SLC39A12: variants seen among roughly 807,000 people sequenced by gnomAD.
The protein encoded by SLC39A12 is solute carrier family 39 member 12, also known as zinc transporter ZIP12.
Under a neutral mutation model 71.1 loss-of-function variants are expected in SLC39A12, and 63 were observed. That is an observed-to-expected ratio of 0.89 (90% confidence interval 0.72 to 1.09). SLC39A12 has a LOEUF of 1.09. Among genes scored for constraint, SLC39A12 ranks in the 50% least tolerant of loss-of-function variants. The pLI, the probability that SLC39A12 is intolerant of heterozygous loss-of-function variation, is 0.00. For missense variants in SLC39A12, 892 were observed against 812.6 expected (o/e 1.10, Z -1.19); for synonymous variants, 351 against 301.3 (o/e 1.16, Z -1.71).
chr10:18,022,079 C>G (rs562672821), intron 12 of SLC39A12, among the ~76,000 whole-genome samples: 10 of 152,258 alleles, frequency 6.6e-5, no homozygotes, highest in Admixed American at 5.9e-4. Flanking sequence ...CTTGAAGAAT[C>G]TGATGACTAT....
intron 12 of SLC39A12, among the ~76,000 whole-genome samples, chr10:18,036,788 A>ATTTTTTTTTTTTT (rs1319675306): frequency 8.8e-4 from 15 of 17,008 alleles, no homozygotes; most frequent in African/African-American, 1.8e-3. Flanking sequence ...ATATATATAT[A>ATTTTTTTTTTTTT]TATATATTTT....
chr10:17,966,007 G>A (rs910780729), intron 4 of SLC39A12, among the ~76,000 whole-genome samples: 1 of 152,206 alleles, frequency 6.6e-6, no homozygotes, highest in Admixed American at 6.5e-5. Context: ...ATAATGCTGG[G>A]CCAGGCCTAA....
intron 12 of SLC39A12, among the ~76,000 whole-genome samples, chr10:18,007,885 C>A (rs1836075980): frequency 6.6e-6 from 1 of 152,186 alleles, no homozygotes; most frequent in Non-Finnish European, 1.5e-5. Flanking sequence ...CCTCTCTCTT[C>A]CTGTGATGTA....
chr10:17,977,887 A>T lies in SLC39A12; in HGVS notation c.752-15A>T, dbSNP rs200973416. On this transcript the variant is annotated splice_polypyrimidine_tract_variant and intron_variant, in intron 4 of 12. Transcript: ENST00000377369. Reference sequence around the variant, plus strand: ...TCTATTCTATGTGACACCAGATTTTATATGAAATTTCTAGAACTAGACCAA... The same window carrying T: ...TCTATTCTATGTGACACCAGATTTTTTATGAAATTTCTAGAACTAGACCAA... The T allele has an allele frequency of 5.9e-4, 917 of 1,559,064 alleles. 4 individuals carry two copies. Among genetic ancestry groups the T allele is most frequent in the Middle Eastern group, 4.1e-3 (24 of 5,792 alleles).
chr10:18,009,268 G>T (rs1008502448), intron 12 of SLC39A12, among the ~76,000 whole-genome samples: 1 of 152,094 alleles, frequency 6.6e-6, no homozygotes, highest in Admixed American at 6.5e-5. Flanking sequence ...CTGGACAACT[G>T]CCCAGGAATT....
At chr10:17,952,526 C>T (rs562742442) in intron 1 of SLC39A12, among the ~76,000 whole-genome samples, 116 of 133,556 alleles carry the variant, frequency 8.7e-4, no homozygotes, top group African/African-American at 3.1e-3. Context: ...CTTGTTCTGT[C>T]GCCCAGGCTG....
chr10:18,036,794 A>ATTTTTTTTTTTTTTT (rs746691202), intron 12 of SLC39A12, among the ~76,000 whole-genome samples: 1 of 92,898 alleles, frequency 1.1e-5, no homozygotes, highest in Non-Finnish European at 1.9e-5. Flanking sequence ...ATATATATAT[A>ATTTTTTTTTTTTTTT]TTTTTTTTTT....
chr10:18,038,050 A>AAAAAAC (rs1837111469), intron 12 of SLC39A12, among the ~76,000 whole-genome samples: 1 of 132,284 alleles, frequency 7.6e-6, no homozygotes, highest in African/African-American at 3.1e-5. Flanking sequence ...AAAAAAAAAA[A>AAAAAAC]AGCACAGCTA....
chr10:17,983,467 A>T (rs148657443), intron 6 of SLC39A12, among the ~76,000 whole-genome samples: 5 of 151,946 alleles, frequency 3.3e-5, no homozygotes, highest in African/African-American at 9.7e-5. Context: ...CAGTTGGGTG[A>T]CAGAGAGAGA....
At chr10:17,980,792 G>A (rs764181047) in intron 5 of SLC39A12, among the ~76,000 whole-genome samples, 1 of 151,988 alleles carries the variant, frequency 6.6e-6, no homozygotes, top group African/African-American at 2.4e-5. Context: ...TATTTACACA[G>A]CAGCTAGTTG....
chr10:18,010,184 A>G (rs921683727), intron 12 of SLC39A12, among the ~76,000 whole-genome samples: 6 of 152,314 alleles, frequency 3.9e-5, no homozygotes, highest in Middle Eastern at 3.4e-3. Context: ...AAAGATCTGC[A>G]ATCACCAAGT....
chr10:17,978,751 ATTC>A (rs1177224307), intron 5 of SLC39A12, among the ~76,000 whole-genome samples: 2 of 152,180 alleles, frequency 1.3e-5, no homozygotes, highest in Non-Finnish European at 2.9e-5. Context: ...TTCTCCAATA[ATTC>A]TTCTCTGTTC....
chr10:17,993,001 G>C (rs1189113865), intron 8 of SLC39A12, among the ~76,000 whole-genome samples, 180 bp from the exon 9 acceptor site: 1 of 152,120 alleles, frequency 6.6e-6, no homozygotes, highest in African/African-American at 2.4e-5. Context: ...CACTATTCAA[G>C]CCTTCTTCAG....
At position 17,991,145 on chromosome 10, in the gene SLC39A12, CT is replaced by C; in HGVS notation, c.1270-5del. The C allele has an allele frequency of 3.5e-6, 5 of 1,447,424 alleles. No individual in the cohort carries two copies. The highest frequency in any genetic ancestry group is 4.6e-6 in the Non-Finnish European group (5 of 1,096,174). The allele number at this position is 1,447,424 out of a possible 1,614,324, so 89.7% of individuals were successfully genotyped here. On this transcript the variant is annotated splice_polypyrimidine_tract_variant and splice_region_variant and intron_variant, in intron 7 of 12. Transcript: ENST00000377369. ...TCTGCCTTTTTTTTTTTTTTTTCCC[CT>C]GAAGGTTCTTGGTTTACATAAGCAG...
At chr10:18,001,473 C>G (rs1173791779) in intron 11 of SLC39A12, among the ~76,000 whole-genome samples, 2 of 152,168 alleles carry the variant, frequency 1.3e-5, no homozygotes, top group Admixed American at 1.3e-4. Context: ...GAGACTGAGC[C>G]ATTGCACTCC....
At chr10:18,026,431 T>C (rs1358807679) in intron 12 of SLC39A12, among the ~76,000 whole-genome samples, 1 of 152,126 alleles carries the variant, frequency 6.6e-6, no homozygotes, top group Non-Finnish European at 1.5e-5. Context: ...TCATCTTTGC[T>C]TCTTTAAAGG....
At chr10:18,037,012 C>G (rs1382913315) in intron 12 of SLC39A12, among the ~76,000 whole-genome samples, 1 of 151,602 alleles carries the variant, frequency 6.6e-6, no homozygotes, top group African/African-American at 2.4e-5. Flanking sequence ...GTCTTGAACT[C>G]TTGACCTCAA....
At chr10:17,959,917 C>T (rs945890533) in intron 2 of SLC39A12, among the ~76,000 whole-genome samples, 3 of 151,846 alleles carry the variant, frequency 2.0e-5, no homozygotes, top group African/African-American at 4.8e-5. Context: ...GGCTTGTGAA[C>T]GAAATGGACA....
chr10:18,010,261 G>A (rs1589246426), intron 12 of SLC39A12, among the ~76,000 whole-genome samples: 1 of 152,078 alleles, frequency 6.6e-6, no homozygotes, highest in Non-Finnish European at 1.5e-5. Context: ...TTGAAGTTTG[G>A]CAATACCTAA....
Sources: allele counts gnomAD v4.1 joint callset (sites outside exome capture counted in the v4.1 genomes callset), GRCh38; gene constraint gnomAD v4.1.1; transcripts MANE v1.5; gene names NCBI Gene and HGNC (gene_info 2026-07-23, HGNC 2026-07-21).